Variants in TTC39B observed in about 807,000 individuals in gnomAD.
TTC39B encodes tetratricopeptide repeat domain 39B.
A neutral mutation model predicts 96.6 loss-of-function variants in TTC39B; 92 were observed. That is an observed-to-expected ratio of 0.95 (90% CI 0.80 to 1.13). The LOEUF is 1.13. Ranked by LOEUF, TTC39B falls within the 50% of genes most tolerant of loss-of-function variation. The pLI is 0.00. For synonymous variants in TTC39B, 367 were observed against 299.4 expected (o/e 1.23, Z -2.33); for missense variants, 955 against 809.3 (o/e 1.18, Z -2.18).
At chr9:15,298,977 A>AT (rs766623316) in intron 1 of TTC39B, among the ~76,000 whole-genome samples, 10 of 152,104 alleles carry the variant, frequency 6.6e-5, no homozygotes, top group Non-Finnish European at 1.3e-4. Flanking sequence ...ATGTCTAAGA[A>AT]ATGGCCTCCT....
intron 9 of TTC39B, 36 bp from the exon 10 acceptor site, chr9:15,191,291 A>G (rs1396532814): frequency 1.4e-6 from 2 of 1,460,004 alleles, no homozygotes; most frequent in South Asian, 2.5e-5. Context: ...CTTATGTGTT[A>G]GTGTTTCTAA....
intron 13 of TTC39B, among the ~76,000 whole-genome samples, chr9:15,189,267 G>C (rs1818713785): frequency 1.3e-5 from 2 of 152,150 alleles, no homozygotes; most frequent in Non-Finnish European, 2.9e-5. Context: ...GTGTAATGCA[G>C]AAATTGGTAA....
chr9:15,170,375 C>A (rs1817608775), exon 20 of TTC39B: 1 of 152,154 alleles, frequency 6.6e-6, no homozygotes, highest in South Asian at 2.1e-4. Flanking sequence ...TGAATTTCTA[C>A]ACTTCTTTCA....
chr9:15,168,169 C>T (rs1817562074), exon 20 of TTC39B: 1 of 152,222 alleles, frequency 6.6e-6, no homozygotes, highest in African/African-American at 2.4e-5. Flanking sequence ...ACCATTCCCA[C>T]ATGTGCTGTA....
intron 17 of TTC39B, among the ~76,000 whole-genome samples, chr9:15,179,782 T>G (rs1028385014): frequency 6.6e-6 from 1 of 152,182 alleles, no homozygotes; most frequent in Non-Finnish European, 1.5e-5. Context: ...ATGATTTTGT[T>G]GAGGAACAGA....
chr9:15,209,280 GGCACGTCAA>G (rs1820051778), intron 6 of TTC39B, among the ~76,000 whole-genome samples: 1 of 152,032 alleles, frequency 6.6e-6, no homozygotes, highest in African/African-American at 2.4e-5. Flanking sequence ...AGTCCCAGGG[GGCACGTCAA>G]GCAATTGACA....
chr9:15,304,425 T>C (rs143225624), intron 1 of TTC39B, among the ~76,000 whole-genome samples: 195 of 152,238 alleles, frequency 1.3e-3, no homozygotes, highest in African/African-American at 4.3e-3. Flanking sequence ...CAATAACCAA[T>C]TTTTGCCTCC....
intron 2 of TTC39B, among the ~76,000 whole-genome samples, chr9:15,238,565 T>C (rs1025007057): frequency 6.6e-6 from 1 of 152,216 alleles, no homozygotes; most frequent in Non-Finnish European, 1.5e-5. Context: ...TTGGAATACA[T>C]TTAACCAAGG....
At chr9:15,207,222 C>T (rs995999502) in intron 6 of TTC39B, among the ~76,000 whole-genome samples, 2 of 152,120 alleles carry the variant, frequency 1.3e-5, no homozygotes, top group Non-Finnish European at 2.9e-5. Flanking sequence ...ATACATTCCA[C>T]CTCCTGGGCT....
At chr9:15,176,196 G>A (rs192377261) in intron 18 of TTC39B, among the ~76,000 whole-genome samples, 120 of 152,224 alleles carry the variant, frequency 7.9e-4, no homozygotes, top group African/African-American at 2.7e-3. Context: ...ATAGCCTCAT[G>A]GGAATCTCAA....
chr9:15,263,219 T>C (rs1245765932), intron 2 of TTC39B, among the ~76,000 whole-genome samples: 2 of 152,218 alleles, frequency 1.3e-5, no homozygotes, highest in Non-Finnish European at 2.9e-5. Context: ...TTGGTTCTAT[T>C]TGTCTGGAGA....
At chr9:15,292,027 T>C (rs1020328120) in intron 1 of TTC39B, among the ~76,000 whole-genome samples, 2 of 152,228 alleles carry the variant, frequency 1.3e-5, no homozygotes, top group Non-Finnish European at 2.9e-5. Flanking sequence ...TTTAAATCCT[T>C]ATTCGTGGCC....
At chr9:15,186,964 C>G in exon 15 of TTC39B, 1 of 1,613,724 alleles carries the variant, frequency 6.2e-7, no homozygotes, top group South Asian at 1.1e-5. Flanking sequence ...TTACCACATT[C>G]TCATTCGTTG....
At chr9:15,274,384 T>C (rs1255537776) in intron 1 of TTC39B, among the ~76,000 whole-genome samples, 4 of 152,246 alleles carry the variant, frequency 2.6e-5, no homozygotes, top group Non-Finnish European at 5.9e-5. Context: ...ACTAGTCGCA[T>C]CTTATCTGCA....
intron 2 of TTC39B, among the ~76,000 whole-genome samples, chr9:15,265,081 G>A (rs1823082348): frequency 1.3e-5 from 2 of 152,172 alleles, no homozygotes; most frequent in African/African-American, 4.8e-5. Context: ...AACAAATGGT[G>A]CTGGAATAGT....
intron 11 of TTC39B, 61 bp from the exon 12 acceptor site, chr9:15,189,853 T>C (rs1818757167): frequency 1.7e-6 from 2 of 1,169,320 alleles, no homozygotes; most frequent in Non-Finnish European, 2.5e-6. Context: ...TATAACCAGC[T>C]CTCCAAATTT....
At chr9:15,292,951 T>C (rs993157607) in intron 1 of TTC39B, among the ~76,000 whole-genome samples, 2 of 152,198 alleles carry the variant, frequency 1.3e-5, no homozygotes, top group Admixed American at 6.5e-5. Flanking sequence ...AAGTGTACAG[T>C]GTTCATAAAG....
At chr9:15,185,368 G>T (rs997396622) in exon 16 of TTC39B, 5 of 1,613,760 alleles carry the variant, frequency 3.1e-6, no homozygotes, top group Admixed American at 1.7e-5. Context: ...AGTAGGGATA[G>T]ATTTCCCGGC....
At chr9:15,182,625 A>G (rs1387768916) in intron 16 of TTC39B, among the ~76,000 whole-genome samples, 4 of 152,252 alleles carry the variant, frequency 2.6e-5, no homozygotes, top group Non-Finnish European at 4.4e-5. Context: ...TCATATAACA[A>G]ATATTTATTA....
Sources: allele counts gnomAD v4.1 joint callset (sites outside exome capture counted in the v4.1 genomes callset), GRCh38; gene constraint gnomAD v4.1.1; transcripts MANE v1.5; gene names NCBI Gene and HGNC (gene_info 2026-07-23, HGNC 2026-07-21).